Variants in NRXN3 observed in about 807,000 individuals in gnomAD.
NRXN3 encodes the protein neurexin 3.
A neutral mutation model predicts 137.6 loss-of-function variants in NRXN3; 32 were observed. The observed-to-expected ratio is 0.23, with a 90% CI of 0.18 to 0.31. The LOEUF (loss-of-function observed/expected upper bound fraction) is 0.31, where lower values mean the gene tolerates loss of function less well. NRXN3 is among the 10% of genes least tolerant of loss of function. The probability of loss-of-function intolerance (pLI) is 1.00; values close to 1 mark genes in which losing one functional copy is unlikely to be tolerated. For missense variants in NRXN3, 1,574 were observed against 2,062.5 expected, an observed-to-expected ratio of 0.76 and a Z score of 4.59; for synonymous variants, 798 against 784.5, an observed-to-expected ratio of 1.02 and a Z score of -0.29.
At chr14:78,475,233 C>CTCTT (rs2095358230) in intron 4 of NRXN3, among the ~76,000 whole-genome samples, 2 of 152,118 alleles carry the variant, frequency 1.3e-5, no homozygotes, top group Non-Finnish European at 2.9e-5. Context: ...GTGGATATTC[C>CTCTT]CCTTTCAGAT....
At chr14:79,392,633 A>G (rs538545231) in intron 15 of NRXN3, among the ~76,000 whole-genome samples, 7 of 152,260 alleles carry the variant, frequency 4.6e-5, no homozygotes, top group African/African-American at 1.7e-4. Context: ...AATCAAAACC[A>G]CAATGAGATA....
At chr14:79,596,609 T>G (rs1260692733) in intron 16 of NRXN3, among the ~76,000 whole-genome samples, 2 of 152,268 alleles carry the variant, frequency 1.3e-5, no homozygotes, top group East Asian at 3.9e-4. Context: ...TAAGAGTATT[T>G]ATTGGTTTTA....
At chr14:79,216,387 A>G (rs1213559111) in intron 15 of NRXN3, among the ~76,000 whole-genome samples, 1 of 152,142 alleles carries the variant, frequency 6.6e-6, no homozygotes, top group Non-Finnish European at 1.5e-5. Flanking sequence ...ACCACATTTC[A>G]TTGGTTACAT....
intron 16 of NRXN3, among the ~76,000 whole-genome samples, chr14:79,521,159 A>G (rs2097060204): frequency 6.6e-6 from 1 of 152,138 alleles, no homozygotes. Context: ...AAGCCAGTTT[A>G]TATCTAATTA....
At chr14:78,882,065 A>G (rs1274560387) in intron 10 of NRXN3, among the ~76,000 whole-genome samples, 3 of 151,816 alleles carry the variant, frequency 2.0e-5, no homozygotes, top group African/African-American at 7.3e-5. Flanking sequence ...CATTCTTGGC[A>G]GCTTCCACAT....
intron 19 of NRXN3, 147 bp downstream of exon 19, chr14:79,698,084 A>G: frequency 1.4e-6 from 1 of 734,800 alleles, no homozygotes; most frequent in Non-Finnish European, 2.2e-6. Context: ...ACCCAGGAGA[A>G]GAGAAAGGTG....
intron 4 of NRXN3, among the ~76,000 whole-genome samples, chr14:78,418,177 G>A (rs1013424886): frequency 3.9e-5 from 6 of 152,196 alleles, no homozygotes; most frequent in Non-Finnish European, 8.8e-5. Context: ...GGGGTGGACT[G>A]GGGAATGTTT....
intron 1 of NRXN3, among the ~76,000 whole-genome samples, chr14:78,184,729 AC>A (rs2060087092): frequency 6.6e-6 from 1 of 152,230 alleles, no homozygotes; most frequent in Admixed American, 6.5e-5. Context: ...AGAGATGAGG[AC>A]CAGGAGTGGC....
At chr14:78,244,104 A>G (rs1284661387) in intron 2 of NRXN3, among the ~76,000 whole-genome samples, 1 of 152,172 alleles carries the variant, frequency 6.6e-6, no homozygotes, top group Non-Finnish European at 1.5e-5. Flanking sequence ...ACCGTTTATC[A>G]CAGTCAACCC....
At chr14:79,591,931 A>AAATT (rs143780742) in intron 16 of NRXN3, among the ~76,000 whole-genome samples, 2 of 151,792 alleles carry the variant, frequency 1.3e-5, no homozygotes, top group African/African-American at 4.8e-5. Flanking sequence ...ATTGAGGTAT[A>AAATT]ACTTACATAC....
At chr14:79,773,737 C>T (rs1454783325) in intron 19 of NRXN3, among the ~76,000 whole-genome samples, 1 of 150,624 alleles carries the variant, frequency 6.6e-6, no homozygotes, top group Non-Finnish European at 1.5e-5. Flanking sequence ...ACGTAACTAA[C>T]CTGCACAATG....
chr14:78,609,785 C>A (rs1356908429), intron 4 of NRXN3, among the ~76,000 whole-genome samples: 2 of 152,180 alleles, frequency 1.3e-5, no homozygotes, highest in African/African-American at 4.8e-5. Context: ...CAAAAGTATG[C>A]TTGTAGTGGA....
intron 19 of NRXN3, among the ~76,000 whole-genome samples, chr14:79,757,307 A>G (rs1233368849): frequency 6.6e-6 from 1 of 152,214 alleles, no homozygotes; most frequent in African/African-American, 2.4e-5. Context: ...TGATGGGTGC[A>G]TTGATGTCAG....
intron 10 of NRXN3, among the ~76,000 whole-genome samples, chr14:78,953,051 AT>A (rs1434194765): frequency 1.3e-5 from 2 of 152,222 alleles, no homozygotes; most frequent in Non-Finnish European, 2.9e-5. Flanking sequence ...TGCTGCTTAT[AT>A]TGCTCCTGGG....
intron 15 of NRXN3, among the ~76,000 whole-genome samples, chr14:79,029,280 A>G (rs2099603518): frequency 6.6e-6 from 1 of 152,162 alleles, no homozygotes; most frequent in Non-Finnish European, 1.5e-5. Flanking sequence ...CAGTGTAACC[A>G]TATAGCATCT....
chr14:79,547,583 A>G (rs1421790332), intron 16 of NRXN3, among the ~76,000 whole-genome samples: 1 of 152,112 alleles, frequency 6.6e-6, no homozygotes, highest in East Asian at 1.9e-4. Context: ...CTTCTCTCCA[A>G]GGAATTTGGG....
At chr14:79,045,689 T>C (rs555282264) in intron 15 of NRXN3, among the ~76,000 whole-genome samples, 2 of 152,178 alleles carry the variant, frequency 1.3e-5, no homozygotes, top group Non-Finnish European at 2.9e-5. Context: ...ATTATGAAGG[T>C]GCCACCTGAA....
chr14:79,065,540 G>A (rs2099679738), intron 15 of NRXN3, among the ~76,000 whole-genome samples: 1 of 152,122 alleles, frequency 6.6e-6, no homozygotes, highest in African/African-American at 2.4e-5. Flanking sequence ...TGCTAGAGCT[G>A]CTGTGACAAA....
intron 17 of NRXN3, among the ~76,000 whole-genome samples, chr14:79,666,769 T>C (rs1374573211): frequency 6.6e-6 from 1 of 152,120 alleles, no homozygotes; most frequent in East Asian, 1.9e-4. Context: ...AAGTGGTTAT[T>C]GTGAGGTGTT....
Sources: allele counts gnomAD v4.1 joint callset (sites outside exome capture counted in the v4.1 genomes callset), GRCh38; gene constraint gnomAD v4.1.1; transcripts MANE v1.5; gene names NCBI Gene and HGNC (gene_info 2026-07-23, HGNC 2026-07-21).